Variants in RGMA observed in about 807,000 individuals in gnomAD.
RGMA encodes repulsive guidance molecule BMP co-receptor a, also known as repulsive guidance molecule A.
A neutral mutation model predicts 23.2 loss-of-function variants in RGMA; 10 were observed. The ratio of observed to expected loss-of-function variants is 0.43; its 90% CI spans 0.27 to 0.73. The LOEUF is 0.73. Among genes scored for constraint, RGMA ranks in the 30% least tolerant of loss-of-function variants. RGMA has a pLI of 0.20. For missense variants in RGMA, 547 were observed against 630.5 expected, an observed-to-expected ratio of 0.87 and a Z score of 1.42; for synonymous variants, 308 against 279.3, an observed-to-expected ratio of 1.10 and a Z score of -1.03.
chr15:93,047,810 G>T (rs1044244679), intron 3 of RGMA, among the ~76,000 whole-genome samples: 2 of 152,222 alleles, frequency 1.3e-5, no homozygotes, highest in Non-Finnish European at 2.9e-5. Flanking sequence ...GGAGTTTCTG[G>T]CCTAACAGCA....
chr15:93,066,131 C>T (rs571634297), intron 2 of RGMA: 118 of 1,351,964 alleles, frequency 8.7e-5, no homozygotes, highest in African/African-American at 5.0e-4. Flanking sequence ...CTGCCCTTCA[C>T]GGGCACCTCC....
rs1206247208 is a variant in RGMA, at chr15:93,039,250, T to C, written c.*5748A>G. The C allele has an allele frequency of 1.3e-5, 2 of 152,220 alleles. No homozygotes were observed. Among genetic ancestry groups the C allele is most frequent in the East Asian group, 1.9e-4 (1 of 5,180 alleles). The allele number at this position is 152,220 out of a possible 1,614,324, so 9.4% of individuals were successfully genotyped here. ...CCAAACCTGCTCCTCCCATGATCTTTCCAGTCATGGTAAATGGCACCACCA... is the reference window on the plus strand; with the variant it reads ...CCAAACCTGCTCCTCCCATGATCTTCCCAGTCATGGTAAATGGCACCACCA... On this transcript the variant is annotated 3_prime_UTR_variant, in exon 4 of 4. Coordinates refer to ENST00000329082, the MANE Select transcript of RGMA (RefSeq NM_020211.3).
At chr15:93,087,338 C>T (rs1387381729) in intron 1 of RGMA, among the ~76,000 whole-genome samples, 1 of 152,072 alleles carries the variant, frequency 6.6e-6, no homozygotes, top group Non-Finnish European at 1.5e-5. Context: ...CACCCAGAGC[C>T]TTTGTCTGCA....
At chr15:93,066,297 T>C (rs989191834) in intron 2 of RGMA, 5 of 950,032 alleles carry the variant, frequency 5.3e-6, no homozygotes, top group Non-Finnish European at 8.6e-6. Flanking sequence ...GTCATTCCTG[T>C]GGATGAATCC....
intron 2 of RGMA, chr15:93,066,262 G>A: frequency 8.8e-7 from 1 of 1,136,102 alleles, no homozygotes; most frequent in Non-Finnish European, 1.3e-6. Flanking sequence ...ATAGCTGTCT[G>A]GTGAACAAAG....
intron 1 of RGMA, among the ~76,000 whole-genome samples, chr15:93,079,447 T>C (rs2141846686): frequency 6.6e-6 from 1 of 152,352 alleles, no homozygotes; most frequent in African/African-American, 2.4e-5. Context: ...TTGTGCTTCG[T>C]TCAGCTAGTT....
At chr15:93,079,802 GGAGA>G (rs1895528745) in intron 1 of RGMA, among the ~76,000 whole-genome samples, 1 of 152,116 alleles carries the variant, frequency 6.6e-6, no homozygotes, top group Non-Finnish European at 1.5e-5. Flanking sequence ...CATGGGCAAC[GGAGA>G]GACTCTGTCT....
rs1213289070 is a variant in RGMA, at chr15:93,052,555, C to T, written c.131-48G>A. On this transcript the variant is annotated intron_variant, in intron 2 of 3. Transcript: ENST00000329082. ...ACCGTCGGGGTGCAGCCTGGCAACC[C>T]CAGCTTCTGCTACCATCTGTGGGCC... 8 of 1,498,178 alleles carry T rather than the reference C, an allele frequency of 5.3e-6. No homozygotes were observed. The South Asian group carries it at 9.1e-5, about 17-fold the overall frequency. The allele number at this position is 1,498,178 out of a possible 1,614,324, so 92.8% of individuals were successfully genotyped here. A position where few individuals can be genotyped will look rare whatever the true frequency, so the allele number is the denominator to read the frequency against.
chr15:93,086,995 G>C (rs902586120), intron 1 of RGMA, among the ~76,000 whole-genome samples: 2 of 152,134 alleles, frequency 1.3e-5, no homozygotes, highest in Non-Finnish European at 2.9e-5. Flanking sequence ...CCTACCAATG[G>C]AGACACAGTT....
chr15:93,052,089 C>A lies in RGMA; in HGVS notation c.549G>T (p.Val183=). ...TGTCGATGAGCGGCCAGGCGCCCTG[C>A]ACCTTGCAGGTCTGGAAGCGGTCGG... ...TFTDRFQTCK[V]QGAWPLIDNN... is the part of the protein sequence containing the mutation. The change falls in exon 3 of 4, where the codon GTG becomes GTT. Residue 183 remains valine (V), a synonymous_variant. Coordinates refer to ENST00000329082, the MANE Select transcript of RGMA (RefSeq NM_020211.3). The A allele has an allele frequency of 6.2e-7, 1 of 1,613,542 alleles. No homozygotes were observed.
intron 2 of RGMA, chr15:93,065,798 C>A (rs939216396): frequency 9.2e-6 from 9 of 974,280 alleles, no homozygotes; most frequent in African/African-American, 6.4e-5. Flanking sequence ...CTGGGGTGGT[C>A]TGGGCCAGAA....
Position 93,045,297 on chromosome 15 carries a change from G to A in RGMA, c.1054C>T (p.Pro352Ser), listed in dbSNP as rs773807673. 10 of 1,612,504 alleles carry A rather than the reference G, an allele frequency of 6.2e-6. No individual in the cohort carries two copies. The highest frequency in any genetic ancestry group is 8.5e-6 in the Non-Finnish European group (10 of 1,179,662). The change falls in exon 4 of 4, where the codon CCC becomes TCC. Residue 352 changes from proline to serine, a missense_variant. This residue lies in a region of RGMA where 205 missense variants were observed against 204.1 expected (regional missense o/e 1.00). Coordinates refer to ENST00000329082, the MANE Select transcript of RGMA (RefSeq NM_020211.3). This position sits in a 1 kb window ranked among gnomAD's most constrained non-coding sequence, Gnocchi z 6.9. ...GCTGTCTCGTATGGGAAGGTCTCGG[G>A]GGCTGTGGGTGCAGGGCTGGCGGCT... ...LAAASPAPTA[P>S]ETFPYETAVA...
At chr15:93,077,563 G>A (rs545468194) in intron 1 of RGMA, among the ~76,000 whole-genome samples, 3 of 152,324 alleles carry the variant, frequency 2.0e-5, no homozygotes, top group African/African-American at 7.2e-5. Flanking sequence ...AGTGACTCAA[G>A]CTGGACCAAT....
chr15:93,082,159 T>C (rs1895568818), intron 1 of RGMA, among the ~76,000 whole-genome samples: 1 of 152,250 alleles, frequency 6.6e-6, no homozygotes, highest in Non-Finnish European at 1.5e-5. Flanking sequence ...CCAATATTCA[T>C]TTTATATCAT....
rs114879872 is a variant in RGMA at position 93,058,139 on chromosome 15, A to G, written c.131-5632T>C. On this transcript the variant is annotated intron_variant, in intron 2 of 3. Transcript: ENST00000329082. ...AGTAAATGAAGAGACCTTAGATCCT[A>G]TATGAGAAAGAAAAATAAGGATACT... 3.5e-3 allele frequency among the ~76,000 whole-genome samples: 537 copies of G among 152,314 alleles called. 6 individuals are homozygous for G. The highest frequency in any genetic ancestry group is 0.011 in the African/African-American group (472 of 41,580).
chr15:93,086,700 C>T (rs1895639442), intron 1 of RGMA, among the ~76,000 whole-genome samples: 1 of 152,180 alleles, frequency 6.6e-6, no homozygotes, highest in Admixed American at 6.5e-5. Context: ...CAGGGATGCT[C>T]AGTCCCTATT....
intron 2 of RGMA, among the ~76,000 whole-genome samples, chr15:93,056,780 G>A (rs1318666475): frequency 6.6e-6 from 1 of 152,218 alleles, no homozygotes; most frequent in Non-Finnish European, 1.5e-5. Flanking sequence ...GACTCAGCCT[G>A]TTTCCTTAAC....
chr15:93,072,362 G>C (rs543137689), intron 2 of RGMA, among the ~76,000 whole-genome samples: 1 of 152,346 alleles, frequency 6.6e-6, no homozygotes, highest in African/African-American at 2.4e-5. Flanking sequence ...GACGCAGAAA[G>C]TTATCAAACA....
Position 93,072,034 on chromosome 15 carries a change from G to A in RGMA, c.130+882C>T, listed in dbSNP as rs558834666. Reference sequence around the variant, plus strand: ...GTTTTCTGGCTGTGAGCAGCATATGGCAAAAATGAAATAAAGTTTTATGAA... The same window carrying A: ...GTTTTCTGGCTGTGAGCAGCATATGACAAAAATGAAATAAAGTTTTATGAA... On this transcript the variant is annotated intron_variant, in intron 2 of 3. Transcript: ENST00000329082. Among the ~76,000 whole-genome samples, 12 of 152,300 alleles carry A rather than the reference G, an allele frequency of 7.9e-5. No individual in the cohort carries two copies. In the South Asian group the frequency reaches 2.5e-3, roughly 32 times the overall value.
Sources: gnomAD v4.1 joint callset for allele counts (sites outside exome capture counted in the v4.1 genomes callset) on GRCh38, gnomAD v4.1.1 for gene constraint, gnomAD v4.1.1 regional missense constraint, Gnocchi (gnomAD v3.1) non-coding constraint, MANE v1.5 for transcripts, NCBI Gene and HGNC (gene_info 2026-07-23, HGNC 2026-07-21) for gene names.